MUC22: variants seen among roughly 807,000 people sequenced by gnomAD.
MUC22 encodes mucin 22.
A neutral mutation model predicts 40.3 loss-of-function variants in MUC22; 24 were observed. That is an observed-to-expected ratio of 0.60 (90% CI 0.43 to 0.84). MUC22 has a LOEUF of 0.84. Ranked by LOEUF, MUC22 falls within the 40% of genes least tolerant of loss-of-function variation. MUC22 has a pLI of 0.00. For synonymous variants in MUC22, 765 were observed against 844.5 expected (o/e 0.91, Z 1.63); for missense variants, 1,926 against 2,130.7 (o/e 0.90, Z 1.89).
chr6:31,026,617 A>T lies in MUC22; in HGVS notation c.1186A>T (p.Thr396Ser), dbSNP rs771431224. ...CGTCACCTCTACTGCAGGCTCTGAG[A>T]CCACCACAGTCTCCACCGTGGGCTC... The change falls in exon 2 of 4, where the codon ACC becomes TCC. Residue 396 changes from threonine to serine, a missense_variant. This residue lies in a region of MUC22 where 1,281 missense variants were observed against 1,337.8 expected (regional missense o/e 0.96). Transcript: ENST00000561890. The T allele has an allele frequency of 5.6e-5, 85 of 1,507,136 alleles. 15 individuals are homozygous for T. Among genetic ancestry groups the T allele is most frequent in the Non-Finnish European group, 3.5e-6 (4 of 1,128,774 alleles). 93.4% of individuals were successfully genotyped at this position (1,507,136 alleles called of 1,614,324 possible). A position where few individuals can be genotyped will look rare whatever the true frequency, so the allele number is the denominator to read the frequency against.
chr6:31,027,695 C>G (rs1261818921), exon 2 of MUC22: 1 of 1,532,586 alleles, frequency 6.5e-7, no homozygotes. Flanking sequence ...GGCTCTGACA[C>G]CACCACAGCC....
chr6:31,016,301 C>T (rs73395840), intron 1 of MUC22, among the ~76,000 whole-genome samples: 3,738 of 152,236 alleles, frequency 0.025, 153 homozygotes, highest in African/African-American at 0.084. Context: ...CTGGTAATCC[C>T]AGAATGTCCT....
chr6:31,023,158 G>A (rs1765010091), intron 1 of MUC22, among the ~76,000 whole-genome samples: 2 of 127,368 alleles, frequency 1.6e-5, no homozygotes, highest in Admixed American at 7.8e-5. Context: ...ACAAAATACT[G>A]GGTTAATTAA....
chr6:31,021,469 C>G lies in MUC22; in HGVS notation c.71-4033C>G, dbSNP rs1764735683. Among the ~76,000 whole-genome samples the G allele has an allele frequency of 1.3e-5, 2 of 150,914 alleles. 1 individual carries two copies. Among genetic ancestry groups the G allele is most frequent in the African/African-American group, 4.9e-5 (2 of 40,718 alleles). On this transcript the variant is annotated intron_variant, in intron 1 of 3. Transcript: ENST00000561890. ...AATCAACACTCTGTATCTAGCTGCT[C>G]TCGTGGGGCCTTGGAGAACCTTTAT...
chr6:31,006,823 A>G (rs1236307771), upstream of MUC22, among the ~76,000 whole-genome samples: 1 of 152,114 alleles, frequency 6.6e-6, no homozygotes, highest in Non-Finnish European at 1.5e-5. Flanking sequence ...AACCTAGACT[A>G]TTGAGGAAGA....
In MUC22 at chr6:31,027,089, C is replaced by G. The variant is rs1360364457; in HGVS notation, c.1658C>G (p.Ser553Cys). The G allele has an allele frequency of 4.7e-6, 7 of 1,496,390 alleles. 2 individuals are homozygous for G. The African/African-American group carries it at 6.9e-5, about 15-fold the overall frequency. The allele number at this position is 1,496,390 out of a possible 1,614,324, so 92.7% of individuals were successfully genotyped here. Reference sequence around the variant, plus strand: ...CCTACCATGGCATCCACCATGGGCTCTGAGACCACTATGGCCTCTACCATA... The same window carrying G: ...CCTACCATGGCATCCACCATGGGCTGTGAGACCACTATGGCCTCTACCATA... Residue 553 changes from serine (S) to cysteine (C), a missense_variant, in exon 2 of 4, where the codon TCT becomes TGT. By Grantham distance (112) the Ser-to-Cys change is moderately radical. Coordinates refer to ENST00000561890, the Ensembl canonical transcript of MUC22.
chr6:31,022,046 ACACT>A (rs1764835949), intron 1 of MUC22, among the ~76,000 whole-genome samples: 1 of 152,076 alleles, frequency 6.6e-6, no homozygotes. Context: ...AGAGTTGCTA[ACACT>A]CACTGTGAAG....
At chr6:31,010,891 A>AT (rs3084544) in intron 1 of MUC22, 115 bp downstream of exon 1, 3,820 of 547,312 alleles carry the variant, frequency 7.0e-3, no homozygotes, top group East Asian at 0.015. Flanking sequence ...ATGATGATTC[A>AT]TTTTTTTTTT....
At position 31,032,472 on chromosome 6, in the gene MUC22, C is replaced by A. The variant is rs1766137220; in HGVS notation, c.4946C>A (p.Thr1649Lys). ...ACAGTTAGCATGAGCCACACACCCA[C>A]AAACGTGATCAAACCAAGTGGATAT... is the stretch of plus-strand genomic sequence containing the variant. The change falls in exon 3 of 4, where the codon ACA becomes AAA. Residue 1649 changes from threonine to lysine, a missense_variant. Thr to Lys is a moderately conservative substitution (Grantham distance 78, BLOSUM62 -1). Around this residue, in one of 3 missense-constraint regions of MUC22, gnomAD observed 610 missense variants for 714.6 expected, o/e 0.85. Transcript: ENST00000561890. The surrounding 1 kb of genome is among the most constrained non-coding windows in gnomAD (Gnocchi z 4.1). 6.5e-7 allele frequency: 1 copy of A among 1,535,600 alleles called. No individual in the cohort carries two copies. Among genetic ancestry groups the A allele is most frequent in the Admixed American group, 2.0e-5 (1 of 50,968 alleles).
At chr6:31,027,731 C>A (rs1393733095) in exon 2 of MUC22, 2 of 1,530,486 alleles carry the variant, frequency 1.3e-6, no homozygotes, top group Non-Finnish European at 1.7e-6. Context: ...GAGACCACTG[C>A]AGTCTCTGCC....
At chr6:31,020,624 C>T (rs1000723137) in intron 1 of MUC22, among the ~76,000 whole-genome samples, 4 of 152,080 alleles carry the variant, frequency 2.6e-5, no homozygotes, top group African/African-American at 7.2e-5. Context: ...TTTGGCGGCA[C>T]TTGAGGAGCC....
chr6:31,021,773 C>T (rs1396299332), intron 1 of MUC22, among the ~76,000 whole-genome samples: 1 of 152,176 alleles, frequency 6.6e-6, no homozygotes, highest in Non-Finnish European at 1.5e-5. Context: ...CTCTACCAAT[C>T]AGCAGGATGT....
At chr6:31,010,215 G>A (rs17196283), upstream of MUC22, among the ~76,000 whole-genome samples, 333 of 152,232 alleles carry the variant, frequency 2.2e-3, 4 homozygotes, top group Middle Eastern at 0.01. Context: ...GTCAGCTCTG[G>A]TTCAAAGGGT....
At chr6:31,026,640 C>A in exon 2 of MUC22, 1 of 1,508,416 alleles carries the variant, frequency 6.6e-7, no homozygotes, top group Non-Finnish European at 8.9e-7. Context: ...CCACCGTGGG[C>A]TCTGAGACCA....
chr6:31,027,672 A>G (rs939220139), exon 2 of MUC22: 1 of 1,531,126 alleles, frequency 6.5e-7, no homozygotes, highest in Non-Finnish European at 8.7e-7. Context: ...AGACCACCAC[A>G]GTCTTTACCA....
chr6:31,028,710 G>A, exon 2 of MUC22: 2 of 1,528,576 alleles, frequency 1.3e-6, no homozygotes, highest in Non-Finnish European at 1.7e-6. Context: ...CAGGCTCTGA[G>A]ACCACCACCA....
intron 1 of MUC22, among the ~76,000 whole-genome samples, chr6:31,024,840 C>T (rs1486636154): frequency 6.6e-6 from 1 of 150,922 alleles, no homozygotes; most frequent in Non-Finnish European, 1.5e-5. Context: ...CTGTGATGTC[C>T]TTCTCCTGGC....
exon 4 of MUC22, chr6:31,034,717 C>T (rs1766320198): frequency 8.5e-6 from 13 of 1,535,660 alleles, no homozygotes; most frequent in Non-Finnish European, 1.1e-5. Context: ...TTATTACCCC[C>T]ATGGCCACAG....
At chr6:31,010,742 C>T (rs1205497823) in exon 1 of MUC22, 1 of 702,584 alleles carries the variant, frequency 1.4e-6, no homozygotes, top group South Asian at 1.5e-5. Context: ...CTTTCTGGTT[C>T]CTGTGGCTGC....
Sources: allele counts gnomAD v4.1 joint callset (sites outside exome capture counted in the v4.1 genomes callset), GRCh38; gene constraint gnomAD v4.1.1; regional missense constraint gnomAD v4.1.1; non-coding constraint Gnocchi (gnomAD v3.1); transcripts MANE v1.5; gene names NCBI Gene and HGNC (gene_info 2026-07-23, HGNC 2026-07-21).